RSBN1: variants seen among roughly 807,000 people sequenced by gnomAD.
The protein encoded by RSBN1 is lysine-specific demethylase 9.
Under a neutral mutation model 74.8 loss-of-function variants are expected in RSBN1, and 23 were observed. The ratio of observed to expected loss-of-function variants is 0.31; its 90% CI spans 0.22 to 0.44. RSBN1 has a LOEUF of 0.44. RSBN1 is among the 20% of genes least tolerant of loss of function. The pLI, the probability that RSBN1 is intolerant of heterozygous loss-of-function variation, is 1.00. For missense variants in RSBN1, 808 were observed against 1,020.9 expected, an observed-to-expected ratio of 0.79 and a Z score of 2.84; for synonymous variants, 407 against 379.6, an observed-to-expected ratio of 1.07 and a Z score of -0.84.
intron 1 of RSBN1, among the ~76,000 whole-genome samples, chr1:113,800,173 C>T (rs1660553345): frequency 6.6e-6 from 1 of 152,242 alleles, no homozygotes. Context: ...AAAGACTTTA[C>T]TAATGCCAAA....
intron 2 of RSBN1, among the ~76,000 whole-genome samples, chr1:113,788,105 A>G (rs1418158566): frequency 6.6e-6 from 1 of 152,170 alleles, no homozygotes. Context: ...AACAAGAACA[A>G]GCTCTCAAAC....
chr1:113,794,306 T>C (rs1660427621), intron 2 of RSBN1, among the ~76,000 whole-genome samples: 1 of 152,178 alleles, frequency 6.6e-6, no homozygotes, highest in Non-Finnish European at 1.5e-5. Flanking sequence ...CACCACCAAT[T>C]CCATCCTCCA....
chr1:113,772,670 C>T (rs1042334014), intron 4 of RSBN1, among the ~76,000 whole-genome samples: 1 of 152,150 alleles, frequency 6.6e-6, no homozygotes, highest in East Asian at 1.9e-4. Flanking sequence ...TTTTCACTAA[C>T]ACAAAAAGAT....
At position 113,811,909 on chromosome 1, in the gene RSBN1, C is replaced by T. The variant is rs1406480085; in HGVS notation, c.504G>A (p.Ser168=). 8.1e-6 allele frequency: 13 copies of T among 1,609,070 alleles called. No homozygotes were observed. Among genetic ancestry groups the T allele is most frequent in the Non-Finnish European group, 1.1e-5 (13 of 1,177,672 alleles). The part of the protein sequence containing the change: ...VAAPLPAPST[S]ALFTFSPLTV... ...TCAGAGGCGAGAAGGTGAAGAGGGC[C>T]GAGGTGCTTGGGGCCGGGAGAGGGG... Residue 168 remains serine, a synonymous_variant, in exon 1 of 7, where the codon TCG becomes TCA. Coordinates refer to ENST00000261441, the MANE Select transcript of RSBN1 (RefSeq NM_018364.5).
chr1:113,762,776 T>C lies in RSBN1; in HGVS notation c.*3204A>G, dbSNP rs1022498590. 1.3e-5 allele frequency: 2 copies of C among 152,772 alleles called. No homozygotes were observed. Among genetic ancestry groups the C allele is most frequent in the African/African-American group, 2.4e-5 (1 of 41,468 alleles). The allele number at this position is 152,772 out of a possible 1,614,324, so 9.5% of individuals were successfully genotyped here. A position where few individuals can be genotyped will look rare whatever the true frequency, so the allele number is the denominator to read the frequency against. ...AAGCAAGTTTTTTCCAGTCATTAAG[T>C]GTGACTTTTATGCCTAGTAAGACTG... On this transcript the variant is annotated 3_prime_UTR_variant, in exon 7 of 7. Transcript: ENST00000261441.
chr1:113,787,356 T>C (rs192433605), intron 2 of RSBN1, among the ~76,000 whole-genome samples: 16 of 152,302 alleles, frequency 1.1e-4, no homozygotes, highest in African/African-American at 3.6e-4. Context: ...AAACTACAGA[T>C]ACAAGCTATC....
chr1:113,790,364 G>C (rs562656432), intron 2 of RSBN1, among the ~76,000 whole-genome samples: 1 of 152,176 alleles, frequency 6.6e-6, no homozygotes, highest in East Asian at 1.9e-4. Flanking sequence ...GTGTATATTT[G>C]ACAACAGTTT....
chr1:113,803,458 C>A (rs902139155), intron 1 of RSBN1, among the ~76,000 whole-genome samples: 1 of 152,152 alleles, frequency 6.6e-6, no homozygotes, highest in Admixed American at 6.5e-5. Context: ...GTATTCCCAA[C>A]AATAATGAAT....
rs1660492575 is a variant in RSBN1, at chr1:113,797,399, A to G, written c.1341T>C (p.Asp447=). The G allele has an allele frequency of 1.2e-6, 2 of 1,610,142 alleles. No individual in the cohort carries two copies. The highest frequency in any genetic ancestry group is 2.7e-5 in the African/African-American group (2 of 74,686). Residue 447 remains aspartate, a synonymous_variant, in exon 2 of 7, where the codon GAT becomes GAC. Coordinates refer to ENST00000261441, the MANE Select transcript of RSBN1 (RefSeq NM_018364.5). The stretch of plus-strand genomic sequence containing the variant: ...AATTTGAAATGGTGGTTGTTTCAAT[A>G]TCTTTCTTGCCCAGAATTTCCATTT... ...PVKMEILGKK[D]IETTTISNFH...
chr1:113,766,567 T>C (rs1040680626), intron 6 of RSBN1, 114 bp from the exon 7 acceptor site: 1 of 674,848 alleles, frequency 1.5e-6, no homozygotes, highest in Non-Finnish European at 2.5e-6. Context: ...ATAATCAAAT[T>C]AAAATTAAGC....
At chr1:113,770,629 G>A (rs1659869609) in intron 4 of RSBN1, among the ~76,000 whole-genome samples, 1 of 152,062 alleles carries the variant, frequency 6.6e-6, no homozygotes, top group African/African-American at 2.4e-5. Flanking sequence ...TTCACTCTAA[G>A]TTGACAACTG....
intron 2 of RSBN1, among the ~76,000 whole-genome samples, chr1:113,788,931 T>G (rs996576297): frequency 6.6e-6 from 1 of 151,350 alleles, no homozygotes; most frequent in African/African-American, 2.4e-5. Flanking sequence ...CACCATAATA[T>G]TATAAAACTG....
At chr1:113,798,097 T>C (rs889788706) in intron 1 of RSBN1, 61 bp from the exon 2 acceptor site, 1 of 1,431,608 alleles carries the variant, frequency 7.0e-7, no homozygotes, top group African/African-American at 1.4e-5. Flanking sequence ...ACAAGCTTCT[T>C]AAGGTACTTG....
intron 4 of RSBN1, 64 bp from the exon 5 acceptor site, chr1:113,768,453 A>G: frequency 7.3e-7 from 1 of 1,369,176 alleles, no homozygotes; most frequent in Non-Finnish European, 1.0e-6. Flanking sequence ...AAAAAAATTA[A>G]TTAATAGCAG....
intron 2 of RSBN1, among the ~76,000 whole-genome samples, chr1:113,780,432 T>A (rs1571299467): frequency 6.6e-6 from 1 of 152,218 alleles, no homozygotes; most frequent in Admixed American, 6.5e-5. Flanking sequence ...AGCACTGAAC[T>A]TGAAGACAAC....
intron 4 of RSBN1, among the ~76,000 whole-genome samples, chr1:113,768,828 A>G (rs1659833139): frequency 6.6e-6 from 1 of 152,080 alleles, no homozygotes; most frequent in African/African-American, 2.4e-5. Context: ...CTTTCTTATA[A>G]CTAAAAGTCA....
intron 4 of RSBN1, among the ~76,000 whole-genome samples, chr1:113,770,206 T>C (rs764273149): frequency 1.1e-4 from 17 of 152,156 alleles, no homozygotes; most frequent in South Asian, 6.2e-4. Context: ...AAGAAAGAAG[T>C]ACAAGAAAAG....
At chr1:113,802,496 T>C (rs1660605366) in intron 1 of RSBN1, among the ~76,000 whole-genome samples, 2 of 152,058 alleles carry the variant, frequency 1.3e-5, no homozygotes, top group Admixed American at 1.3e-4. Context: ...AATACCTGAC[T>C]AAAAAGGAAA....
chr1:113,809,393 A>G (rs971092072), intron 1 of RSBN1, among the ~76,000 whole-genome samples: 3 of 152,232 alleles, frequency 2.0e-5, no homozygotes, highest in Admixed American at 1.3e-4. Context: ...TTAAACTCAG[A>G]TTAATACCAG....
Sources: gnomAD v4.1 joint callset for allele counts (sites outside exome capture counted in the v4.1 genomes callset) on GRCh38, gnomAD v4.1.1 for gene constraint, MANE v1.5 for transcripts, NCBI Gene and HGNC (gene_info 2026-07-23, HGNC 2026-07-21) for gene names.